The following CSMD1 variants were observed in gnomAD, a reference collection of about 807,000 sequenced individuals.
CSMD1 encodes CUB and Sushi multiple domains 1, also known as CUB and sushi domain-containing protein 1.
In CSMD1, 213 loss-of-function variants were observed where a neutral mutation model predicts 417.5. The ratio of observed to expected loss-of-function variants is 0.51; its 90% CI spans 0.46 to 0.57. The LOEUF is 0.57. Among genes scored for constraint, CSMD1 ranks in the 20% least tolerant of loss-of-function variants. The pLI, the probability that CSMD1 is intolerant of heterozygous loss-of-function variation, is 0.00. For missense variants in CSMD1, 6,923 were observed against 4,529.7 expected (o/e 1.53, Z -15.17); for synonymous variants, 2,862 against 1,736.8 (o/e 1.65, Z -16.11).
At chr8:3,497,626 T>A (rs1418353455) in intron 10 of CSMD1, among the ~76,000 whole-genome samples, 1 of 152,150 alleles carries the variant, frequency 6.6e-6, no homozygotes, top group African/African-American at 2.4e-5. Flanking sequence ...TTCCTGCTAG[T>A]TTTTGGTTTC....
chr8:3,742,273 G>A (rs1796843622), intron 6 of CSMD1, among the ~76,000 whole-genome samples: 1 of 152,068 alleles, frequency 6.6e-6, no homozygotes, highest in Non-Finnish European at 1.5e-5. Flanking sequence ...TAAGATTTCA[G>A]GTAAACATAA....
intron 46 of CSMD1, among the ~76,000 whole-genome samples, chr8:3,102,132 A>C (rs1815801480): frequency 6.6e-6 from 1 of 152,208 alleles, no homozygotes; most frequent in African/African-American, 2.4e-5. Context: ...TGAAGAAGAC[A>C]GACTAATAGC....
intron 12 of CSMD1, among the ~76,000 whole-genome samples, chr8:3,445,089 G>C (rs993111925): frequency 1.3e-5 from 2 of 151,726 alleles, no homozygotes; most frequent in African/African-American, 4.8e-5. Context: ...AATTCAACAG[G>C]GAAAAAGAAA....
In CSMD1 at chr8:3,136,101, C is replaced by G. The variant is rs191973653; in HGVS notation, c.6241+6364G>C. Among the ~76,000 whole-genome samples the G allele has an allele frequency of 1.5e-4, 23 of 152,222 alleles. No homozygotes were observed. The East Asian group carries it at 3.7e-3, about 24-fold the overall frequency. On this transcript the variant is annotated intron_variant, in intron 41 of 69. Transcript: ENST00000635120. ...GGAACATCCTGGATCTTTGTCCCCC[C>G]CTCATGCATTACATCTAGCCACTAA... is the stretch of plus-strand genomic sequence containing the variant.
At chr8:3,110,026 G>T in intron 43 of CSMD1, 132 bp downstream of exon 43, 3 of 743,748 alleles carry the variant, frequency 4.0e-6, no homozygotes, top group South Asian at 2.1e-5. Context: ...TCTGGATTTC[G>T]TTGGTGAATT....
At chr8:3,689,718 T>A (rs1042564000) in intron 7 of CSMD1, among the ~76,000 whole-genome samples, 4 of 151,694 alleles carry the variant, frequency 2.6e-5, no homozygotes, top group Non-Finnish European at 5.9e-5. Flanking sequence ...CTATAATCAA[T>A]CCCTTTTTAG....
At chr8:4,182,382 T>C (rs1798428929) in intron 3 of CSMD1, among the ~76,000 whole-genome samples, 1 of 152,130 alleles carries the variant, frequency 6.6e-6, no homozygotes, top group South Asian at 2.1e-4. Flanking sequence ...TATTATCTTT[T>C]AAAACTTATT....
intron 3 of CSMD1, among the ~76,000 whole-genome samples, chr8:4,262,179 T>C (rs962748325): frequency 2.0e-5 from 3 of 152,210 alleles, no homozygotes; most frequent in African/African-American, 7.2e-5. Context: ...TCATTTGCTT[T>C]TGACTCTCTT....
rs1282821071 is a variant in CSMD1 at position 4,393,633 on chromosome 8, G to A, written c.415+26320C>T. Among the ~76,000 whole-genome samples, 5 of 152,122 alleles carry A rather than the reference G, an allele frequency of 3.3e-5. No homozygotes were observed. The East Asian group carries it at 7.7e-4, about 24-fold the overall frequency. Reference sequence around the variant, plus strand: ...AAGTGTCATTGATTAAATTATCAATGTTGAAAAGACGTGAGCACTAGCCCA... The same window carrying A: ...AAGTGTCATTGATTAAATTATCAATATTGAAAAGACGTGAGCACTAGCCCA... On this transcript the variant is annotated intron_variant, in intron 3 of 69. Coordinates refer to ENST00000635120, the MANE Select transcript of CSMD1 (RefSeq NM_033225.6).
intron 2 of CSMD1, among the ~76,000 whole-genome samples, chr8:4,493,906 T>C (rs1370266614): frequency 6.6e-6 from 1 of 152,190 alleles, no homozygotes; most frequent in Non-Finnish European, 1.5e-5. Context: ...ATTAAAATGA[T>C]AGACACTAAC....
intron 3 of CSMD1, among the ~76,000 whole-genome samples, chr8:4,323,806 G>C (rs182999009): frequency 1.3e-5 from 2 of 152,140 alleles, no homozygotes; most frequent in African/African-American, 4.8e-5. Context: ...AACCATAAAG[G>C]ATGGGCAGCT....
At chr8:3,638,084 C>G (rs1797134183) in intron 7 of CSMD1, among the ~76,000 whole-genome samples, 1 of 152,134 alleles carries the variant, frequency 6.6e-6, no homozygotes, top group Non-Finnish European at 1.5e-5. Flanking sequence ...CCACACACAG[C>G]TATCAAATCA....
At chr8:3,098,544 T>C (rs939538382) in intron 46 of CSMD1, among the ~76,000 whole-genome samples, 3 of 152,182 alleles carry the variant, frequency 2.0e-5, no homozygotes, top group African/African-American at 7.2e-5. Flanking sequence ...ATACTTACAA[T>C]GATAAATTAA....
At chr8:4,017,609 A>AC (rs1339294512) in intron 4 of CSMD1, among the ~76,000 whole-genome samples, 3 of 152,066 alleles carry the variant, frequency 2.0e-5, no homozygotes, top group South Asian at 2.1e-4. Flanking sequence ...CCCAGCTGCC[A>AC]CCTCGTTTAT....
At chr8:3,807,229 T>C (rs1457004629) in intron 5 of CSMD1, among the ~76,000 whole-genome samples, 1 of 152,178 alleles carries the variant, frequency 6.6e-6, no homozygotes, top group African/African-American at 2.4e-5. Context: ...GATAAACCTA[T>C]ATTTAATGCC....
Position 3,375,693 on chromosome 8 carries a change from C to T in CSMD1, c.2783-6323G>A, listed in dbSNP as rs749671487. Among the ~76,000 whole-genome samples, 36 of 152,060 alleles carry T rather than the reference C, an allele frequency of 2.4e-4. 1 individual carries two copies. Among genetic ancestry groups the T allele is most frequent in the Non-Finnish European group, 4.7e-4 (32 of 68,024 alleles). Reference sequence around the variant, plus strand: ...GCAGTCCAGCTGCATAGGAGAGATTCCAATCCTGATGACCAGCCCCCATCT... The same window carrying T: ...GCAGTCCAGCTGCATAGGAGAGATTTCAATCCTGATGACCAGCCCCCATCT... On this transcript the variant is annotated intron_variant, in intron 18 of 69. Transcript: ENST00000635120.
chr8:4,028,319 G>A (rs998758654), intron 4 of CSMD1, among the ~76,000 whole-genome samples: 3 of 152,190 alleles, frequency 2.0e-5, no homozygotes, highest in South Asian at 4.1e-4. Context: ...CCTATAATAT[G>A]AATCTTTAAT....
intron 5 of CSMD1, among the ~76,000 whole-genome samples, chr8:3,922,146 T>C (rs746635140): frequency 2.0e-5 from 3 of 152,240 alleles, no homozygotes; most frequent in Non-Finnish European, 2.9e-5. Context: ...TCTTTCATGT[T>C]TCCGTTTTTG....
chr8:3,688,331 A>G (rs556907146), intron 7 of CSMD1, among the ~76,000 whole-genome samples: 1 of 152,310 alleles, frequency 6.6e-6, no homozygotes, highest in South Asian at 2.1e-4. Flanking sequence ...TAAGCCTTAC[A>G]AATGCCAGTA....
Sources: allele counts gnomAD v4.1 joint callset (sites outside exome capture counted in the v4.1 genomes callset), GRCh38; gene constraint gnomAD v4.1.1; transcripts MANE v1.5; gene names NCBI Gene and HGNC (gene_info 2026-07-23, HGNC 2026-07-21).